ESR1: variants seen among roughly 807,000 people sequenced by gnomAD.
ESR1 encodes estrogen receptor.
In ESR1, 12 loss-of-function variants were observed where a neutral mutation model predicts 52.7. The observed-to-expected ratio is 0.23, with a 90% CI of 0.15 to 0.37. ESR1 has a LOEUF of 0.37. ESR1 is among the 10% of genes least tolerant of loss of function. The probability of loss-of-function intolerance (pLI) is 1.00; values close to 1 mark genes in which losing one functional copy is unlikely to be tolerated. For synonymous variants in ESR1, 305 were observed against 316.8 expected, an observed-to-expected ratio of 0.96 and a Z score of 0.39; for missense variants, 584 against 779.7, an observed-to-expected ratio of 0.75 and a Z score of 2.99.
intron 4 of ESR1, among the ~76,000 whole-genome samples, chr6:151,952,158 T>TG (rs1328361515): frequency 6.6e-5 from 10 of 152,210 alleles, no homozygotes; most frequent in Admixed American, 1.3e-4. Flanking sequence ...GCACTTCAAT[T>TG]AACAGTTTGG....
At chr6:151,907,447 CTGA>C (rs1489171292) in intron 3 of ESR1, among the ~76,000 whole-genome samples, 13 of 151,854 alleles carry the variant, frequency 8.6e-5, no homozygotes, top group African/African-American at 3.1e-4. Context: ...TCTCATCTTA[CTGA>C]TATTTTAAAG....
chr6:151,924,954 A>G (rs1248115002), intron 3 of ESR1, among the ~76,000 whole-genome samples: 1 of 152,054 alleles, frequency 6.6e-6, no homozygotes, highest in Non-Finnish European at 1.5e-5. Context: ...AGAACAATTT[A>G]TATTCCACTG....
At chr6:151,957,199 G>A (rs889032348) in intron 4 of ESR1, among the ~76,000 whole-genome samples, 20 of 152,116 alleles carry the variant, frequency 1.3e-4, no homozygotes, top group East Asian at 1.2e-3. Flanking sequence ...TATTACAGCC[G>A]TTGAAGGACA....
chr6:152,123,931 C>T (rs565538952), intron 6 of ESR1, among the ~76,000 whole-genome samples: 2 of 152,176 alleles, frequency 1.3e-5, no homozygotes, highest in South Asian at 2.1e-4. Flanking sequence ...GTGGGGGATG[C>T]GGAGTGACAC....
intron 2 of ESR1, among the ~76,000 whole-genome samples, chr6:151,866,871 G>C (rs960517175): frequency 2.0e-5 from 3 of 151,428 alleles, no homozygotes; most frequent in African/African-American, 7.3e-5. Flanking sequence ...TCAAATACTA[G>C]AAGGCTACAG....
intron 3 of ESR1, among the ~76,000 whole-genome samples, chr6:151,942,905 A>C (rs2035244183): frequency 1.3e-5 from 2 of 152,288 alleles, no homozygotes; most frequent in Middle Eastern, 3.4e-3. Flanking sequence ...GAAAATATAG[A>C]AGCTTTTTGT....
At chr6:151,980,039 A>G (rs1291871874) in intron 4 of ESR1, among the ~76,000 whole-genome samples, 1 of 152,182 alleles carries the variant, frequency 6.6e-6, no homozygotes, top group Non-Finnish European at 1.5e-5. Flanking sequence ...ATTTCGTTAA[A>G]TATTTACTTG....
intron 6 of ESR1, among the ~76,000 whole-genome samples, chr6:152,089,156 C>T (rs189111984): frequency 1.1e-4 from 16 of 152,212 alleles, no homozygotes; most frequent in Admixed American, 7.8e-4. Flanking sequence ...ACTCTGGAGA[C>T]GATGTCAATG....
chr6:151,767,229 A>G (rs1324535647), intron 2 of ESR1, among the ~76,000 whole-genome samples: 1 of 152,208 alleles, frequency 6.6e-6, no homozygotes, highest in East Asian at 1.9e-4. Flanking sequence ...TAATTTCCAC[A>G]TTTACAACTT....
chr6:151,851,357 T>C (rs952739512), intron 2 of ESR1, among the ~76,000 whole-genome samples: 1 of 152,134 alleles, frequency 6.6e-6, no homozygotes, highest in Non-Finnish European at 1.5e-5. Flanking sequence ...ATATATTTGA[T>C]TGCCCATGTT....
intron 3 of ESR1, among the ~76,000 whole-genome samples, chr6:151,908,876 A>T (rs556018081): frequency 7.6e-5 from 11 of 144,772 alleles, no homozygotes; most frequent in East Asian, 4.0e-4. Flanking sequence ...GTTTAAAGCA[A>T]TTTTTTTTTT....
At chr6:152,097,809 C>T (rs1177467678) in intron 7 of ESR1, among the ~76,000 whole-genome samples, 1 of 152,080 alleles carries the variant, frequency 6.6e-6, no homozygotes, top group East Asian at 1.9e-4. Context: ...TAGCAGGGGA[C>T]AGGATAAAGC....
chr6:151,836,814 A>G (rs778237652), intron 1 of ESR1, among the ~76,000 whole-genome samples: 2 of 152,194 alleles, frequency 1.3e-5, no homozygotes, highest in Non-Finnish European at 2.9e-5. Flanking sequence ...GAATTAAACC[A>G]CATTTCTAGG....
intron 1 of ESR1, among the ~76,000 whole-genome samples, chr6:151,684,107 G>A (rs1778561871): frequency 6.6e-6 from 1 of 152,056 alleles, no homozygotes; most frequent in Non-Finnish European, 1.5e-5. Context: ...TGCTTCAGTA[G>A]TGCTTGTTGC....
chr6:151,817,915 A>G (rs1273718970), intron 1 of ESR1, among the ~76,000 whole-genome samples: 2 of 152,206 alleles, frequency 1.3e-5, no homozygotes, highest in African/African-American at 4.8e-5. Flanking sequence ...AAAATCCCAA[A>G]TATCAGTACA....
At chr6:151,704,900 T>C (rs889350060) in intron 2 of ESR1, among the ~76,000 whole-genome samples, 1 of 151,416 alleles carries the variant, frequency 6.6e-6, no homozygotes, top group South Asian at 2.1e-4. Flanking sequence ...CCTGTAAATA[T>C]GGGTTTCCAG....
intron 2 of ESR1, among the ~76,000 whole-genome samples, chr6:151,748,452 T>C (rs966814342): frequency 6.6e-6 from 1 of 152,216 alleles, no homozygotes; most frequent in African/African-American, 2.4e-5. Flanking sequence ...AGAGTATTTT[T>C]TGTGACGATG....
intron 1 of ESR1, among the ~76,000 whole-genome samples, chr6:151,663,559 T>A (rs1777713730): frequency 6.6e-6 from 1 of 152,198 alleles, no homozygotes; most frequent in Non-Finnish European, 1.5e-5. Flanking sequence ...AACAAATCAA[T>A]CACAGACATG....
At chr6:151,858,021 CT>C (rs1246789829) in intron 2 of ESR1, among the ~76,000 whole-genome samples, 1 of 152,020 alleles carries the variant, frequency 6.6e-6, no homozygotes, top group Non-Finnish European at 1.5e-5. Flanking sequence ...TATATACTAA[CT>C]TTTTTTTACT....
Sources: allele counts gnomAD v4.1 joint callset (sites outside exome capture counted in the v4.1 genomes callset), GRCh38; gene constraint gnomAD v4.1.1; transcripts MANE v1.5; gene names NCBI Gene and HGNC (gene_info 2026-07-23, HGNC 2026-07-21).